Variants in C1orf21 observed in about 807,000 individuals in gnomAD.
C1orf21 encodes the protein uncharacterized protein C1orf21.
C1orf21 carries 3 observed loss-of-function variants against 18.7 expected under a neutral mutation model. That is an observed-to-expected ratio of 0.16 (90% confidence interval 0.07 to 0.42). The LOEUF is 0.42. Ranked by LOEUF, C1orf21 falls within the 10% of genes least tolerant of loss-of-function variation. The pLI is 0.99. For synonymous variants in C1orf21, 41 were observed against 46.4 expected, an observed-to-expected ratio of 0.88 and a Z score of 0.47; for missense variants, 104 against 143.6, an observed-to-expected ratio of 0.72 and a Z score of 1.41.
At chr1:184,504,116 C>G (rs1658016740) in intron 2 of C1orf21, among the ~76,000 whole-genome samples, 1 of 152,120 alleles carries the variant, frequency 6.6e-6, no homozygotes, top group African/African-American at 2.4e-5. Flanking sequence ...AAAATATCAC[C>G]CAGGCGTTGC....
chr1:184,563,308 A>G (rs115340188), intron 3 of C1orf21, among the ~76,000 whole-genome samples: 497 of 152,348 alleles, frequency 3.3e-3, no homozygotes, highest in African/African-American at 0.011. Context: ...CTGCATGAAT[A>G]AAAATTAACT....
At chr1:184,503,812 A>G (rs1291265141) in intron 2 of C1orf21, among the ~76,000 whole-genome samples, 1 of 152,202 alleles carries the variant, frequency 6.6e-6, no homozygotes, top group Non-Finnish European at 1.5e-5. Flanking sequence ...TGTATTTAAT[A>G]GAACTGACTT....
At chr1:184,394,223 C>G (rs1656013888) in intron 1 of C1orf21, among the ~76,000 whole-genome samples, 1 of 152,136 alleles carries the variant, frequency 6.6e-6, no homozygotes, top group African/African-American at 2.4e-5. Context: ...TAAAGCAGAA[C>G]AGGGAGATGA....
intron 3 of C1orf21, among the ~76,000 whole-genome samples, chr1:184,586,449 A>G (rs1255929327): frequency 1.3e-5 from 2 of 151,550 alleles, no homozygotes; most frequent in African/African-American, 4.9e-5. Flanking sequence ...TCGCCCGGCT[A>G]ATTTTTTGTA....
rs368952595 is a variant in C1orf21 at position 184,501,363 on chromosome 1, A to G, written c.95-6225A>G. On this transcript the variant is annotated intron_variant, in intron 2 of 5. Coordinates refer to ENST00000235307, the MANE Select transcript of C1orf21 (RefSeq NM_030806.4). ...TGTGCTCCCTTTGGCTTTGGAATTCACTGACCCCTTGCCCGAAAGCTCCTT... is the reference window on the plus strand; with the variant it reads ...TGTGCTCCCTTTGGCTTTGGAATTCGCTGACCCCTTGCCCGAAAGCTCCTT... Among the ~76,000 whole-genome samples, 13 of 152,192 alleles carry G rather than the reference A, an allele frequency of 8.5e-5. No homozygotes were observed. In the East Asian group the frequency reaches 1.9e-3, roughly 23 times the overall value.
rs1354217212 is a variant in C1orf21 at position 184,507,575 on chromosome 1, T to C, written c.95-13T>C. On this transcript the variant is annotated splice_polypyrimidine_tract_variant and intron_variant, in intron 2 of 5. Transcript: ENST00000235307. ...AAAAATTATAAAATGTGTTTTCTTT[T>C]TTTGGCACTCAGATGAGTATAGGAT... 6 of 1,572,220 alleles carry C rather than the reference T, an allele frequency of 3.8e-6. No homozygotes were observed. Among genetic ancestry groups the C allele is most frequent in the Non-Finnish European group, 5.1e-6 (6 of 1,165,686 alleles).
intron 5 of C1orf21, among the ~76,000 whole-genome samples, chr1:184,602,094 C>T (rs1277488061): frequency 6.6e-6 from 1 of 152,084 alleles, no homozygotes; most frequent in African/African-American, 2.4e-5. Context: ...TTTTTCTGAT[C>T]AAGGAGTACT....
intron 3 of C1orf21, among the ~76,000 whole-genome samples, chr1:184,561,979 C>T (rs1257895040): frequency 2.0e-5 from 3 of 151,524 alleles, no homozygotes. Context: ...TATCTAAGAT[C>T]ATTTTTCACC....
intron 3 of C1orf21, among the ~76,000 whole-genome samples, chr1:184,518,906 G>C (rs1421933698): frequency 6.6e-6 from 1 of 151,952 alleles, no homozygotes; most frequent in African/African-American, 2.4e-5. Flanking sequence ...ATATGAAATT[G>C]GGAAACAGAT....
intron 1 of C1orf21, among the ~76,000 whole-genome samples, chr1:184,460,618 TCG>T (rs1277195732): frequency 2.6e-3 from 248 of 93,888 alleles, no homozygotes; most frequent in African/African-American, 0.013. Flanking sequence ...ATTGTCGTCG[TCG>T]TCTTCTTCTT....
intron 1 of C1orf21, chr1:184,412,322 T>A (rs1234853118): frequency 6.6e-6 from 1 of 152,252 alleles, no homozygotes. Context: ...AATGTGAACC[T>A]GTTTCCATGC....
chr1:184,552,424 C>T (rs1658825075), intron 3 of C1orf21, among the ~76,000 whole-genome samples: 1 of 152,154 alleles, frequency 6.6e-6, no homozygotes, highest in Non-Finnish European at 1.5e-5. Context: ...ACTGTCATTT[C>T]TGACAAAAGT....
At chr1:184,431,197 C>G (rs1656757514) in intron 1 of C1orf21, among the ~76,000 whole-genome samples, 1 of 152,170 alleles carries the variant, frequency 6.6e-6, no homozygotes, top group African/African-American at 2.4e-5. Flanking sequence ...CTGAAGGCAT[C>G]ACGCTACCTA....
intron 3 of C1orf21, among the ~76,000 whole-genome samples, chr1:184,576,743 A>T (rs1279827514): frequency 2.6e-5 from 4 of 152,214 alleles, no homozygotes; most frequent in Non-Finnish European, 4.4e-5. Context: ...TCTCATGGGT[A>T]CTGCTGCCCG....
At chr1:184,401,312 C>G (rs1444123799) in intron 1 of C1orf21, among the ~76,000 whole-genome samples, 2 of 152,150 alleles carry the variant, frequency 1.3e-5, no homozygotes, top group African/African-American at 2.4e-5. Context: ...CCTCCACCTC[C>G]TGGGTTCAAG....
At chr1:184,472,885 G>A (rs556196001) in intron 1 of C1orf21, among the ~76,000 whole-genome samples, 32 of 152,270 alleles carry the variant, frequency 2.1e-4, no homozygotes, top group Admixed American at 1.2e-3. Context: ...CTTGAGGTAC[G>A]GTGTAAGGAG....
intron 1 of C1orf21, among the ~76,000 whole-genome samples, chr1:184,397,284 C>G (rs1349299398): frequency 6.6e-6 from 1 of 152,164 alleles, no homozygotes; most frequent in Non-Finnish European, 1.5e-5. Flanking sequence ...TGTTTTCTCA[C>G]CGTTAAAAAA....
intron 5 of C1orf21, among the ~76,000 whole-genome samples, chr1:184,618,386 CAGAG>C (rs1353371788): frequency 4.6e-5 from 7 of 152,090 alleles, no homozygotes; most frequent in Admixed American, 3.9e-4. Context: ...AACTGAGACA[CAGAG>C]AGGTAATTTT....
intron 3 of C1orf21, among the ~76,000 whole-genome samples, chr1:184,563,235 G>A (rs1299408509): frequency 6.6e-6 from 1 of 152,154 alleles, no homozygotes; most frequent in East Asian, 1.9e-4. Flanking sequence ...CACCTATGTT[G>A]TGTTATCTTT....
Sources: gnomAD v4.1 joint callset for allele counts (sites outside exome capture counted in the v4.1 genomes callset) on GRCh38, gnomAD v4.1.1 for gene constraint, MANE v1.5 for transcripts, NCBI Gene and HGNC (gene_info 2026-07-23, HGNC 2026-07-21) for gene names.